The following HDAC9 variants were observed in gnomAD, a reference collection of about 807,000 sequenced individuals.
HDAC9 encodes the protein MEF-2 interacting transcription repressor (MITR) protein.
A neutral mutation model predicts 139.4 loss-of-function variants in HDAC9; 41 were observed. That is an observed-to-expected ratio of 0.29 (90% CI 0.23 to 0.38). The LOEUF is 0.38. HDAC9 is among the 10% of genes least tolerant of loss of function. The pLI is 1.00. For missense variants in HDAC9, 1,147 were observed against 1,297.0 expected (o/e 0.88, Z 1.78); for synonymous variants, 517 against 476.2 (o/e 1.09, Z -1.12).
chr7:18,100,950 C>G (rs1463001922), intron 1 of HDAC9, among the ~76,000 whole-genome samples: 1 of 152,062 alleles, frequency 6.6e-6, no homozygotes, highest in Non-Finnish European at 1.5e-5. Flanking sequence ...TCTGAGTACT[C>G]TACCCAACAC....
At chr7:18,344,452 A>T (rs1782247759) in intron 1 of HDAC9, among the ~76,000 whole-genome samples, 1 of 152,016 alleles carries the variant, frequency 6.6e-6, no homozygotes, top group Admixed American at 6.6e-5. Flanking sequence ...ATATTGTCTG[A>T]TTTCACATAT....
At chr7:18,932,866 A>AAGAAAGAAAGAAAGAAAGAAAGAAAG (rs1554405292) in intron 22 of HDAC9, among the ~76,000 whole-genome samples, 7 of 151,822 alleles carry the variant, frequency 4.6e-5, no homozygotes, top group Non-Finnish European at 1.0e-4. Context: ...GAAAGAAAGA[A>AAGAAAGAAAGAAAGAAAGAAAGAAAG]AGAAAGAAAG....
chr7:18,880,545 T>C (rs1799657392), intron 22 of HDAC9, among the ~76,000 whole-genome samples: 1 of 152,082 alleles, frequency 6.6e-6, no homozygotes, highest in East Asian at 1.9e-4. Flanking sequence ...AGCAAACTAA[T>C]GCCAGAATGT....
chr7:18,419,111 A>AC (rs1187194516), intron 1 of HDAC9, among the ~76,000 whole-genome samples: 1 of 152,162 alleles, frequency 6.6e-6, no homozygotes, highest in Non-Finnish European at 1.5e-5. Flanking sequence ...TTAATACTTA[A>AC]AAGCACTATT....
intron 2 of HDAC9, among the ~76,000 whole-genome samples, chr7:18,539,251 CGTT>C (rs1476506691): frequency 6.6e-6 from 1 of 152,112 alleles, no homozygotes; most frequent in Non-Finnish European, 1.5e-5. Flanking sequence ...CACTTCACCT[CGTT>C]GTTTTTCCCC....
intron 1 of HDAC9, among the ~76,000 whole-genome samples, chr7:18,375,901 GATGAA>G (rs1419187419): frequency 2.0e-5 from 3 of 152,130 alleles, no homozygotes; most frequent in African/African-American, 7.2e-5. Context: ...TTTTTTCAAA[GATGAA>G]ATGAAATCAT....
intron 1 of HDAC9, among the ~76,000 whole-genome samples, chr7:18,477,237 A>C (rs968513851): frequency 6.6e-6 from 1 of 152,186 alleles, no homozygotes; most frequent in Non-Finnish European, 1.5e-5. Flanking sequence ...AATCTACTAT[A>C]TATTTTCTAA....
intron 2 of HDAC9, among the ~76,000 whole-genome samples, chr7:18,233,710 TTCTTTCTTGACCC>T (rs1793628245): frequency 6.6e-6 from 1 of 152,166 alleles, no homozygotes; most frequent in Admixed American, 6.6e-5. Flanking sequence ...ACCTTCCTCC[TTCTTTCTTGACCC>T]TCTTTCCTTG....
At chr7:18,167,611 T>C (rs1788095291) in intron 2 of HDAC9, among the ~76,000 whole-genome samples, 1 of 152,188 alleles carries the variant, frequency 6.6e-6, no homozygotes, top group Admixed American at 6.5e-5. Flanking sequence ...GGTTTGTGCT[T>C]CTTCAGTTCA....
At chr7:18,654,768 C>T (rs564147266) in intron 11 of HDAC9, among the ~76,000 whole-genome samples, 7 of 152,214 alleles carry the variant, frequency 4.6e-5, no homozygotes, top group African/African-American at 1.7e-4. Context: ...TTTAGATTTG[C>T]CACGATGAAG....
At chr7:18,710,818 A>G (rs867008595) in intron 12 of HDAC9, among the ~76,000 whole-genome samples, 6 of 152,356 alleles carry the variant, frequency 3.9e-5, no homozygotes, top group South Asian at 2.1e-4. Flanking sequence ...AAGTTAATGC[A>G]GAACATTTTG....
chr7:18,111,079 T>C (rs1409530597), intron 1 of HDAC9, among the ~76,000 whole-genome samples: 3 of 152,168 alleles, frequency 2.0e-5, no homozygotes, highest in African/African-American at 2.4e-5. Flanking sequence ...TGCCAAACAA[T>C]GTGTTTGACT....
intron 2 of HDAC9, among the ~76,000 whole-genome samples, chr7:18,213,222 T>G (rs1210973090): frequency 1.3e-5 from 2 of 152,176 alleles, no homozygotes; most frequent in Non-Finnish European, 2.9e-5. Context: ...GTTCAAAAGT[T>G]ATTGTATGCC....
chr7:18,987,627 G>C (rs916652175), intron 25 of HDAC9, among the ~76,000 whole-genome samples: 1 of 152,158 alleles, frequency 6.6e-6, no homozygotes, highest in Non-Finnish European at 1.5e-5. Context: ...GATTGGCATA[G>C]TTTCAGAAGG....
chr7:18,554,555 T>C (rs1818206812), intron 2 of HDAC9, among the ~76,000 whole-genome samples: 1 of 152,110 alleles, frequency 6.6e-6, no homozygotes, highest in African/African-American at 2.4e-5. Context: ...CAGGATGGTC[T>C]CTATCTCCTA....
chr7:18,208,579 T>C (rs1437774220), intron 2 of HDAC9, among the ~76,000 whole-genome samples: 1 of 152,142 alleles, frequency 6.6e-6, no homozygotes, highest in Non-Finnish European at 1.5e-5. Flanking sequence ...TTTCGCCATG[T>C]TGGCCAGGCT....
intron 2 of HDAC9, among the ~76,000 whole-genome samples, chr7:18,273,978 T>C (rs1212577177): frequency 6.6e-6 from 1 of 152,180 alleles, no homozygotes; most frequent in Non-Finnish European, 1.5e-5. Context: ...TTCATAATTC[T>C]GAGGAATGTA....
chr7:18,113,874 A>G (rs904867694), intron 1 of HDAC9, among the ~76,000 whole-genome samples: 2 of 152,170 alleles, frequency 1.3e-5, no homozygotes. Flanking sequence ...TAATTATCCT[A>G]AATATTCATA....
At chr7:18,475,341 T>C (rs777486016) in intron 1 of HDAC9, among the ~76,000 whole-genome samples, 3 of 152,196 alleles carry the variant, frequency 2.0e-5, no homozygotes, top group Non-Finnish European at 2.9e-5. Flanking sequence ...ATTCTTTGAG[T>C]CACATTTTTA....
Sources: allele counts gnomAD v4.1 joint callset (sites outside exome capture counted in the v4.1 genomes callset), GRCh38; gene constraint gnomAD v4.1.1; transcripts MANE v1.5; gene names NCBI Gene and HGNC (gene_info 2026-07-23, HGNC 2026-07-21).